The following NRG3 variants were observed in gnomAD, a reference collection of about 807,000 sequenced individuals.
NRG3 encodes neuregulin 3, also known as pro-neuregulin-3, membrane-bound isoform.
NRG3 carries 31 observed loss-of-function variants against 66.9 expected under a neutral mutation model. The observed-to-expected ratio is 0.46, with a 90% confidence interval of 0.35 to 0.63. NRG3 has a LOEUF of 0.63. Ranked by LOEUF, NRG3 falls within the 20% of genes least tolerant of loss-of-function variation. The pLI is 0.00. For missense variants in NRG3, 910 were observed against 878.9 expected (o/e 1.04, Z -0.45); for synonymous variants, 393 against 359.4 (o/e 1.09, Z -1.06).
At chr10:82,408,483 A>G (rs1456356764) in intron 2 of NRG3, among the ~76,000 whole-genome samples, 1 of 152,122 alleles carries the variant, frequency 6.6e-6, no homozygotes, top group East Asian at 1.9e-4. Flanking sequence ...TCAATTTAGC[A>G]CAAGAAGTAT....
At chr10:82,812,569 T>C (rs1471617074) in intron 3 of NRG3, among the ~76,000 whole-genome samples, 1 of 152,176 alleles carries the variant, frequency 6.6e-6, no homozygotes, top group Non-Finnish European at 1.5e-5. Context: ...AGATCTTTAT[T>C]GTATATGGAA....
chr10:82,594,887 C>CA (rs927335077), intron 2 of NRG3, among the ~76,000 whole-genome samples: 31 of 148,120 alleles, frequency 2.1e-4, no homozygotes, highest in Admixed American at 5.4e-4. Flanking sequence ...CATCGCCTCT[C>CA]AAAAAAAAAA....
At chr10:82,501,715 T>C (rs1317141967) in intron 2 of NRG3, among the ~76,000 whole-genome samples, 2 of 152,226 alleles carry the variant, frequency 1.3e-5, no homozygotes, top group African/African-American at 2.4e-5. Context: ...AGGTTGACCA[T>C]GCATCAAGTG....
At chr10:81,926,718 A>C (rs1289684141) in intron 1 of NRG3, among the ~76,000 whole-genome samples, 1 of 152,164 alleles carries the variant, frequency 6.6e-6, no homozygotes, top group African/African-American at 2.4e-5. Flanking sequence ...TAAACTAAAA[A>C]ACAAAGCTGG....
At chr10:82,867,548 G>A (rs570700380) in intron 4 of NRG3, among the ~76,000 whole-genome samples, 4 of 150,774 alleles carry the variant, frequency 2.7e-5, no homozygotes, top group South Asian at 2.1e-4. Flanking sequence ...GAAACTGTAC[G>A]TTAGAAGCCA....
At chr10:82,196,581 T>A (rs541369219) in intron 1 of NRG3, among the ~76,000 whole-genome samples, 1 of 152,292 alleles carries the variant, frequency 6.6e-6, no homozygotes, top group South Asian at 2.1e-4. Context: ...TGCTAAAAGG[T>A]AATAATAAAA....
intron 2 of NRG3, among the ~76,000 whole-genome samples, chr10:82,585,513 G>C (rs995858176): frequency 2.6e-5 from 4 of 152,234 alleles, no homozygotes; most frequent in Admixed American, 1.3e-4. Flanking sequence ...ACTGTACACT[G>C]TCCTAGTCAC....
intron 1 of NRG3, among the ~76,000 whole-genome samples, chr10:82,286,108 G>T (rs972835006): frequency 2.6e-5 from 4 of 152,152 alleles, no homozygotes; most frequent in Admixed American, 6.5e-5. Flanking sequence ...ATACCTTTAT[G>T]TCCTTTATAT....
chr10:82,666,093 C>A (rs761229286), intron 2 of NRG3, among the ~76,000 whole-genome samples: 4 of 152,166 alleles, frequency 2.6e-5, no homozygotes, highest in Non-Finnish European at 5.9e-5. Context: ...ATCTCCCGAC[C>A]TCAGGTGATC....
At chr10:82,111,129 T>C (rs2067364949) in intron 1 of NRG3, among the ~76,000 whole-genome samples, 1 of 152,156 alleles carries the variant, frequency 6.6e-6, no homozygotes, top group Non-Finnish European at 1.5e-5. Context: ...GTGGACATAC[T>C]CCCTTGGGTT....
intron 2 of NRG3, among the ~76,000 whole-genome samples, chr10:82,650,547 G>C (rs2051331065): frequency 6.6e-6 from 1 of 152,102 alleles, no homozygotes; most frequent in South Asian, 2.1e-4. Flanking sequence ...ATTTTGGTGA[G>C]TGATTTTTGT....
chr10:82,021,447 G>C (rs564216045), intron 1 of NRG3, among the ~76,000 whole-genome samples: 1 of 152,220 alleles, frequency 6.6e-6, no homozygotes, highest in Non-Finnish European at 1.5e-5. Flanking sequence ...ATCAAGTAGA[G>C]AGCTGGTTAC....
rs116409159 is a variant in NRG3, at chr10:82,282,984, T to C, written c.824-75755T>C. Reference sequence around the variant, plus strand: ...CTTGGGCTGATGACTCATCCCAATCTCTTTGGTTTCCAAACGTTCACTAAT... The same window carrying C: ...CTTGGGCTGATGACTCATCCCAATCCCTTTGGTTTCCAAACGTTCACTAAT... On this transcript the variant is annotated intron_variant, in intron 1 of 8. Transcript: ENST00000372141. 2.7e-3 allele frequency among the ~76,000 whole-genome samples: 414 copies of C among 152,254 alleles called. 2 individuals are homozygous for C. Among genetic ancestry groups the C allele is most frequent in the African/African-American group, 9.4e-3 (389 of 41,548 alleles).
chr10:82,896,649 A>G (rs1843689852), intron 4 of NRG3, among the ~76,000 whole-genome samples: 1 of 152,226 alleles, frequency 6.6e-6, no homozygotes, highest in Admixed American at 6.5e-5. Context: ...AATTAAAGTC[A>G]GTACCTCAAA....
chr10:82,401,181 T>G (rs578139697), intron 2 of NRG3, among the ~76,000 whole-genome samples: 3 of 152,268 alleles, frequency 2.0e-5, no homozygotes, highest in Admixed American at 2.0e-4. Flanking sequence ...AAGCTAAACC[T>G]AGAAGACTGA....
chr10:82,291,070 G>A (rs574857865), intron 1 of NRG3, among the ~76,000 whole-genome samples: 8 of 152,054 alleles, frequency 5.3e-5, no homozygotes, highest in African/African-American at 1.9e-4. Context: ...TGCTATTGCA[G>A]TTGAACCATA....
chr10:82,091,508 A>T (rs2066023599), intron 1 of NRG3, among the ~76,000 whole-genome samples: 1 of 152,218 alleles, frequency 6.6e-6, no homozygotes, highest in Admixed American at 6.5e-5. Flanking sequence ...TTCCTTTTTA[A>T]GGCTGAATTG....
chr10:82,854,084 A>G (rs997860414), intron 3 of NRG3, among the ~76,000 whole-genome samples: 1 of 152,252 alleles, frequency 6.6e-6, no homozygotes, highest in Admixed American at 6.5e-5. Flanking sequence ...GCCATATGCT[A>G]TTGGAAAGGC....
At chr10:82,394,778 A>G (rs2086611860) in intron 2 of NRG3, among the ~76,000 whole-genome samples, 4 of 152,244 alleles carry the variant, frequency 2.6e-5, no homozygotes, top group Admixed American at 2.6e-4. Flanking sequence ...GACTCTCCAC[A>G]GTAGCCTTCA....
Sources: gnomAD v4.1 joint callset for allele counts (sites outside exome capture counted in the v4.1 genomes callset) on GRCh38, gnomAD v4.1.1 for gene constraint, MANE v1.5 for transcripts, NCBI Gene and HGNC (gene_info 2026-07-23, HGNC 2026-07-21) for gene names.